The following RBFOX1 variants were observed in gnomAD, a reference collection of about 807,000 sequenced individuals.
The protein encoded by RBFOX1 is RNA binding protein fox-1 homolog 1.
In RBFOX1, 8 loss-of-function variants were observed where a neutral mutation model predicts 57.7. That is an observed-to-expected ratio of 0.14 (90% CI 0.08 to 0.25). The LOEUF (loss-of-function observed/expected upper bound fraction) is 0.25, where lower values mean the gene tolerates loss of function less well. RBFOX1 is among the 10% of genes least tolerant of loss of function. The pLI is 1.00. For missense variants in RBFOX1, 611 were observed against 548.5 expected (o/e 1.11, Z -1.14); for synonymous variants, 326 against 222.4 (o/e 1.47, Z -4.15).
chr16:6,729,741 G>C (rs2068070225), intron 3 of RBFOX1, among the ~76,000 whole-genome samples: 1 of 152,086 alleles, frequency 6.6e-6, no homozygotes, highest in Non-Finnish European at 1.5e-5. Flanking sequence ...CCTTACTTGG[G>C]AGTTGGGTCT....
chr16:5,335,698 C>T (rs1217413211), intron 1 of RBFOX1, among the ~76,000 whole-genome samples: 1 of 152,046 alleles, frequency 6.6e-6, no homozygotes, highest in Non-Finnish European at 1.5e-5. Flanking sequence ...AAGGATTTCT[C>T]CCAGTAGATC....
At chr16:7,476,329 C>G (rs147840119) in intron 4 of RBFOX1, among the ~76,000 whole-genome samples, 1 of 152,180 alleles carries the variant, frequency 6.6e-6, no homozygotes, top group Non-Finnish European at 1.5e-5. Flanking sequence ...TGGCCTTAAT[C>G]CCTTTCCTTA....
intron 4 of RBFOX1, among the ~76,000 whole-genome samples, chr16:7,124,751 C>G (rs2068058690): frequency 6.6e-6 from 1 of 151,872 alleles, no homozygotes; most frequent in African/African-American, 2.4e-5. Flanking sequence ...GGCTTTAGTT[C>G]AGTGATTTTT....
At chr16:6,452,577 C>G (rs941135038) in intron 2 of RBFOX1, among the ~76,000 whole-genome samples, 1 of 152,148 alleles carries the variant, frequency 6.6e-6, no homozygotes, top group Non-Finnish European at 1.5e-5. Flanking sequence ...CAAGTGATAC[C>G]TGAACAATAG....
At chr16:5,864,429 C>G (rs528348248) in intron 3 of RBFOX1, among the ~76,000 whole-genome samples, 97 of 152,274 alleles carry the variant, frequency 6.4e-4, no homozygotes, top group African/African-American at 2.2e-3. Context: ...CAGTCAAGTT[C>G]CAGTTTGCTC....
intron 1 of RBFOX1, among the ~76,000 whole-genome samples, chr16:6,315,800 T>A (rs142650018): frequency 6.6e-6 from 1 of 152,298 alleles, no homozygotes; most frequent in East Asian, 1.9e-4. Context: ...TTTCCAATAT[T>A]TTGAAGTCAC....
chr16:7,686,526 C>G (rs1350553857), intron 14 of RBFOX1, among the ~76,000 whole-genome samples: 2 of 152,038 alleles, frequency 1.3e-5, no homozygotes, highest in Admixed American at 6.6e-5. Context: ...CTGCCCTCTT[C>G]TTTGGGTGGA....
chr16:6,370,687 T>G (rs2090308263), intron 2 of RBFOX1, among the ~76,000 whole-genome samples: 1 of 152,032 alleles, frequency 6.6e-6, no homozygotes, highest in Non-Finnish European at 1.5e-5. Context: ...AGGGGGAGGA[T>G]AGAATGGGGA....
intron 14 of RBFOX1, among the ~76,000 whole-genome samples, chr16:7,685,817 G>A (rs1433571625): frequency 1.3e-5 from 2 of 152,048 alleles, no homozygotes; most frequent in South Asian, 2.1e-4. Context: ...GTAGGTAACT[G>A]TGTCAAGATT....
intron 4 of RBFOX1, among the ~76,000 whole-genome samples, chr16:7,225,242 A>G (rs2093019205): frequency 6.6e-6 from 1 of 151,980 alleles, no homozygotes; most frequent in African/African-American, 2.4e-5. Context: ...CTGTGTCCCC[A>G]CCCAAATCTC....
chr16:7,284,039 C>T (rs1016706294), intron 4 of RBFOX1, among the ~76,000 whole-genome samples: 9 of 152,212 alleles, frequency 5.9e-5, no homozygotes, highest in East Asian at 5.8e-4. Flanking sequence ...ATCAGAAGTA[C>T]GTAGCCTTTA....
intron 3 of RBFOX1, among the ~76,000 whole-genome samples, chr16:6,751,222 T>C (rs1208473556): frequency 6.6e-6 from 1 of 152,172 alleles, no homozygotes; most frequent in African/African-American, 2.4e-5. Context: ...TATTGAGCTC[T>C]GATGTATATT....
chr16:6,156,978 T>A (rs1273205577), intron 1 of RBFOX1, among the ~76,000 whole-genome samples: 1 of 151,996 alleles, frequency 6.6e-6, no homozygotes, highest in Non-Finnish European at 1.5e-5. Flanking sequence ...TTGCTGGGAC[T>A]GTAGGTGGGC....
intron 3 of RBFOX1, among the ~76,000 whole-genome samples, chr16:6,855,845 C>CCTTCCCTCCCTCTTTCCCTCCCTG (rs202089163): frequency 0.13 from 15,227 of 114,028 alleles, 1,154 homozygotes; most frequent in African/African-American, 0.21. Context: ...TTCCCTCCCT[C>CCTTCCCTCCCTCTTTCCCTCCCTG]TTTCCCTCCC....
chr16:6,543,298 C>A (rs2096849621), intron 2 of RBFOX1, among the ~76,000 whole-genome samples: 1 of 152,012 alleles, frequency 6.6e-6, no homozygotes, highest in South Asian at 2.1e-4. Flanking sequence ...GAACAGTTGC[C>A]CCTCCTTGAG....
chr16:7,543,324 G>T (rs1165105570), intron 5 of RBFOX1, among the ~76,000 whole-genome samples: 1 of 148,034 alleles, frequency 6.8e-6, no homozygotes, highest in East Asian at 1.9e-4. Flanking sequence ...AGAATGAAGG[G>T]TGTCAGATTC....
chr16:7,655,380 A>C (rs1430918039), intron 12 of RBFOX1, among the ~76,000 whole-genome samples: 1 of 152,236 alleles, frequency 6.6e-6, no homozygotes, highest in Admixed American at 6.5e-5. Context: ...CTATGCATAC[A>C]CATATTTTAA....
chr16:6,486,692 T>C (rs941263587), intron 2 of RBFOX1, among the ~76,000 whole-genome samples: 2 of 151,948 alleles, frequency 1.3e-5, no homozygotes, highest in African/African-American at 4.8e-5. Context: ...CTTTACTTTG[T>C]TATGGATCCA....
intron 4 of RBFOX1, among the ~76,000 whole-genome samples, chr16:7,311,296 G>C (rs1240972623): frequency 1.3e-5 from 2 of 152,008 alleles, no homozygotes; most frequent in Non-Finnish European, 2.9e-5. Context: ...AAATTAGGAA[G>C]GGGAACTGGA....
Sources: gnomAD v4.1 joint callset for allele counts (sites outside exome capture counted in the v4.1 genomes callset) on GRCh38, gnomAD v4.1.1 for gene constraint, MANE v1.5 for transcripts, NCBI Gene and HGNC (gene_info 2026-07-23, HGNC 2026-07-21) for gene names.